Variants in ZFHX3 observed in about 807,000 individuals in gnomAD.
ZFHX3 encodes the protein zinc finger homeobox protein 3.
In ZFHX3, 42 loss-of-function variants were observed where a neutral mutation model predicts 279.1. That is an observed-to-expected ratio of 0.15 (90% CI 0.12 to 0.19). The LOEUF is 0.19. Among genes scored for constraint, ZFHX3 ranks in the 10% least tolerant of loss-of-function variants. The pLI, the probability that ZFHX3 is intolerant of heterozygous loss-of-function variation, is 1.00. For synonymous variants in ZFHX3, 2,293 were observed against 1,957.8 expected (o/e 1.17, Z -4.52); for missense variants, 4,981 against 4,754.0 (o/e 1.05, Z -1.40).
At position 73,317,745 on chromosome 16, in the gene ZFHX3, G is replaced by A. The variant is rs568865676; in HGVS notation, c.-1194+495C>T. ...CGGCATCAAATACTCATCAAACGGCGGCCAGTAAATTAATCTTTCATTGTT... is the reference window on the plus strand; with the variant it reads ...CGGCATCAAATACTCATCAAACGGCAGCCAGTAAATTAATCTTTCATTGTT... On this transcript the variant is annotated intron_variant, in intron 4 of 17. Transcript: ENST00000641206. Among the ~76,000 whole-genome samples, 5 of 152,188 alleles carry A rather than the reference G, an allele frequency of 3.3e-5. No homozygotes were observed. In the East Asian group the frequency reaches 7.7e-4, roughly 24 times the overall value.
intron 1 of ZFHX3, among the ~76,000 whole-genome samples, chr16:73,862,526 A>G (rs1421129903): frequency 6.6e-6 from 1 of 152,174 alleles, no homozygotes; most frequent in African/African-American, 2.4e-5. Flanking sequence ...TATAATCCCA[A>G]CATTTTGAGA....
At chr16:73,886,593 G>A (rs1449214463) in intron 1 of ZFHX3, among the ~76,000 whole-genome samples, 4 of 152,252 alleles carry the variant, frequency 2.6e-5, no homozygotes, top group African/African-American at 9.6e-5. Flanking sequence ...TCAGTAATTC[G>A]CAGCTCCTCT....
chr16:73,700,709 G>C (rs1362924586), intron 1 of ZFHX3, among the ~76,000 whole-genome samples: 1 of 152,084 alleles, frequency 6.6e-6, no homozygotes, highest in African/African-American at 2.4e-5. Context: ...TATTTTTAAA[G>C]AAATACCACT....
At chr16:73,376,016 T>G (rs774345018) in intron 3 of ZFHX3, among the ~76,000 whole-genome samples, 6 of 152,228 alleles carry the variant, frequency 3.9e-5, no homozygotes, top group Non-Finnish European at 8.8e-5. Context: ...TTTACATATG[T>G]CTGAAGTCAG....
chr16:73,553,727 C>T (rs1297603644), intron 2 of ZFHX3, among the ~76,000 whole-genome samples: 1 of 152,142 alleles, frequency 6.6e-6, no homozygotes, highest in African/African-American at 2.4e-5. Flanking sequence ...GATGGGGATC[C>T]CACCTGGCTA....
intron 4 of ZFHX3, among the ~76,000 whole-genome samples, chr16:73,313,760 C>T (rs1021115764): frequency 9.2e-5 from 14 of 152,184 alleles, no homozygotes; most frequent in African/African-American, 3.4e-4. Context: ...TAGTATGATG[C>T]TTAATTTTAT....
chr16:72,975,315 G>A (rs1486115284), intron 1 of ZFHX3, among the ~76,000 whole-genome samples: 4 of 152,184 alleles, frequency 2.6e-5, no homozygotes, highest in African/African-American at 7.2e-5. Context: ...GGTGGCAGGC[G>A]CCTGTGATCC....
At chr16:72,951,234 G>A (rs908560720) in intron 2 of ZFHX3, among the ~76,000 whole-genome samples, 1 of 152,120 alleles carries the variant, frequency 6.6e-6, no homozygotes, top group African/African-American at 2.4e-5. Flanking sequence ...AGAAAAGTTA[G>A]GAGCCATAGC....
chr16:73,142,922 G>C (rs1966851303), intron 6 of ZFHX3, among the ~76,000 whole-genome samples: 1 of 152,164 alleles, frequency 6.6e-6, no homozygotes, highest in African/African-American at 2.4e-5. Context: ...GGATGAAACG[G>C]ACTCCAAAGC....
intron 2 of ZFHX3, among the ~76,000 whole-genome samples, chr16:73,482,860 T>C (rs755944455): frequency 4.6e-5 from 7 of 152,198 alleles, no homozygotes; most frequent in Non-Finnish European, 7.3e-5. Context: ...TTATTCGCTT[T>C]AACAAAACAA....
In ZFHX3 at chr16:73,841,482, C is replaced by A. The variant is rs1205618476; in HGVS notation, c.-1608+50169G>T. 1.6e-4 allele frequency among the ~76,000 whole-genome samples: 24 copies of A among 152,028 alleles called. 1 individual carries two copies. Among genetic ancestry groups the A allele is most frequent in the Non-Finnish European group, 3.2e-4 (22 of 68,004 alleles). On this transcript the variant is annotated intron_variant, in intron 1 of 17. Transcript: ENST00000641206. Reference sequence around the variant, plus strand: ...GGGGCTGAGTCGGCTGGGAGATCGGCATGACCAAGCTGAAAGAGAAGAGAC... The same window carrying A: ...GGGGCTGAGTCGGCTGGGAGATCGGAATGACCAAGCTGAAAGAGAAGAGAC...
intron 4 of ZFHX3, among the ~76,000 whole-genome samples, chr16:72,832,151 G>T (rs574234684): frequency 6.7e-4 from 102 of 152,234 alleles, no homozygotes; most frequent in African/African-American, 2.2e-3. Flanking sequence ...TTACCCACTG[G>T]GGGGCCATCT....
chr16:72,924,003 C>T (rs1157381497), intron 3 of ZFHX3, among the ~76,000 whole-genome samples: 3 of 152,184 alleles, frequency 2.0e-5, no homozygotes, highest in East Asian at 3.9e-4. Context: ...GGTTAGCCGT[C>T]GGCTGTAACG....
intron 3 of ZFHX3, among the ~76,000 whole-genome samples, chr16:73,397,210 G>A (rs754289867): frequency 6.6e-6 from 1 of 152,228 alleles, no homozygotes; most frequent in African/African-American, 2.4e-5. Flanking sequence ...CCTCTCTGAG[G>A]AGGTGACATT....
chr16:73,058,876 C>T (rs556412900), exon 1 of ZFHX3: 3 of 160,872 alleles, frequency 1.9e-5, no homozygotes, highest in South Asian at 1.6e-4. Context: ...GAAGCGGCGG[C>T]GGCGGCGGCA....
intron 5 of ZFHX3, among the ~76,000 whole-genome samples, chr16:73,216,198 G>A (rs528766447): frequency 5.9e-5 from 9 of 152,298 alleles, no homozygotes; most frequent in Admixed American, 4.6e-4. Context: ...TGTGGCAGTC[G>A]CTGACAGATA....
At chr16:73,819,151 T>A (rs1366089111) in intron 1 of ZFHX3, among the ~76,000 whole-genome samples, 2 of 151,880 alleles carry the variant, frequency 1.3e-5, no homozygotes, top group Non-Finnish European at 2.9e-5. Flanking sequence ...TGTCTGAGAT[T>A]CCCTTTTAAT....
chr16:73,762,062 A>G (rs1453120058), intron 1 of ZFHX3, among the ~76,000 whole-genome samples: 1 of 152,128 alleles, frequency 6.6e-6, no homozygotes, highest in Non-Finnish European at 1.5e-5. Flanking sequence ...AGAATGGGAG[A>G]AAATTTTTGC....
chr16:73,661,444 G>A (rs558411127), intron 2 of ZFHX3, among the ~76,000 whole-genome samples: 1 of 152,316 alleles, frequency 6.6e-6, no homozygotes, highest in Admixed American at 6.5e-5. Flanking sequence ...TGTATGGCCG[G>A]GTGTGCTGGC....
Sources: gnomAD v4.1 joint callset for allele counts (sites outside exome capture counted in the v4.1 genomes callset) on GRCh38, gnomAD v4.1.1 for gene constraint, MANE v1.5 for transcripts, NCBI Gene and HGNC (gene_info 2026-07-23, HGNC 2026-07-21) for gene names.